CHRM3: variants seen among roughly 807,000 people sequenced by gnomAD.
The protein encoded by CHRM3 is cholinergic receptor muscarinic 3.
CHRM3 carries 11 observed loss-of-function variants against 41.8 expected under a neutral mutation model. That is an observed-to-expected ratio of 0.26 (90% CI 0.17 to 0.44). CHRM3 has a LOEUF of 0.44. Ranked by LOEUF, CHRM3 falls within the 20% of genes least tolerant of loss-of-function variation. CHRM3 has a pLI of 1.00. For missense variants in CHRM3, 571 were observed against 745.4 expected (o/e 0.77, Z 2.72); for synonymous variants, 297 against 301.4 (o/e 0.99, Z 0.15).
chr1:239,494,200 A>G (rs763780865), intron 2 of CHRM3, among the ~76,000 whole-genome samples: 1 of 152,112 alleles, frequency 6.6e-6, no homozygotes, highest in Non-Finnish European at 1.5e-5. Flanking sequence ...GGTTGTTGCT[A>G]TGGTATTTGT....
intron 1 of CHRM3, among the ~76,000 whole-genome samples, chr1:239,433,374 C>A (rs59092744): frequency 0.054 from 8,247 of 152,216 alleles, 689 homozygotes; most frequent in African/African-American, 0.18. Flanking sequence ...AGCCATGCCA[C>A]GACTGTCTCC....
intron 3 of CHRM3, among the ~76,000 whole-genome samples, chr1:239,571,994 A>G (rs1186628658): frequency 2.6e-5 from 4 of 152,140 alleles, no homozygotes; most frequent in Non-Finnish European, 5.9e-5. Flanking sequence ...TAAAACTACC[A>G]TATGCCAGAC....
chr1:239,387,836 G>C lies in CHRM3; in HGVS notation c.-521+609G>C, dbSNP rs1297617057. Among the ~76,000 whole-genome samples, 1 of 152,200 alleles carries C rather than the reference G, an allele frequency of 6.6e-6. No individual in the cohort carries two copies. The highest frequency in any genetic ancestry group is 1.5e-5 in the Non-Finnish European group (1 of 68,036). On this transcript the variant is annotated intron_variant, in intron 1 of 6. Transcript: ENST00000676153. This position sits in a 1 kb window ranked among gnomAD's most constrained non-coding sequence, Gnocchi z 5.1. ...AGTAACACTTGGGCGAAGGTACCTA[G>C]CCTAGTGCGCATCTTTACTGACCCG...
At position 239,909,087 on chromosome 1, in the gene CHRM3, C is replaced by T. The variant is rs759076174; in HGVS notation, c.1636C>T (p.Leu546=). 2.0e-5 allele frequency: 32 copies of T among 1,614,058 alleles called. No homozygotes were observed. The highest frequency in any genetic ancestry group is 2.7e-5 in the Non-Finnish European group (32 of 1,180,050). Reference sequence around the variant, plus strand: ...CACCGTGAACCCCGTGTGCTATGCTCTGTGCAACAAAACATTCAGAACCAC... The same window carrying T: ...CACCGTGAACCCCGTGTGCTATGCTTTGTGCAACAAAACATTCAGAACCAC... ...NSTVNPVCYA[L]CNKTFRTTFK... Residue 546 remains leucine (L), a synonymous_variant, in exon 7 of 7, where the codon CTG becomes TTG. Coordinates refer to ENST00000676153, the MANE Select transcript of CHRM3 (RefSeq NM_001375978.1).
chr1:239,570,120 G>A (rs1449622162), intron 3 of CHRM3, among the ~76,000 whole-genome samples: 2 of 152,120 alleles, frequency 1.3e-5, no homozygotes, highest in African/African-American at 2.4e-5. Context: ...TGTATGTCGA[G>A]GGAGGGTCCT....
At position 239,859,711 on chromosome 1, in the gene CHRM3, C is replaced by T. The variant is rs533534936; in HGVS notation, c.-20+32333C>T. 4.6e-5 allele frequency among the ~76,000 whole-genome samples: 7 copies of T among 150,966 alleles called. No homozygotes were observed. The South Asian group carries it at 1.3e-3, about 27-fold the overall frequency. ...GATTACAGGCGTGAGCCACCACTCC[C>T]AGCCATACTGTTTTTTAAATAAAGA... On this transcript the variant is annotated intron_variant, in intron 6 of 6. Coordinates refer to ENST00000676153, the MANE Select transcript of CHRM3 (RefSeq NM_001375978.1).
chr1:239,450,054 C>T (rs1664451071), intron 1 of CHRM3, among the ~76,000 whole-genome samples: 1 of 152,162 alleles, frequency 6.6e-6, no homozygotes, highest in African/African-American at 2.4e-5. Context: ...GTCAAGAACA[C>T]GTTTTGCACG....
chr1:239,532,071 A>G (rs1279521176), intron 2 of CHRM3, among the ~76,000 whole-genome samples: 118 of 108,530 alleles, frequency 1.1e-3, no homozygotes, highest in Non-Finnish European at 1.7e-3. Context: ...GGAGTGCAGT[A>G]GCGCGATCTC....
intron 1 of CHRM3, among the ~76,000 whole-genome samples, chr1:239,441,952 A>G (rs1663755860): frequency 6.6e-6 from 1 of 152,188 alleles, no homozygotes; most frequent in African/African-American, 2.4e-5. Flanking sequence ...AATTCCAAAT[A>G]CATGATTTAT....
At chr1:239,671,602 T>C (rs1032408816) in intron 4 of CHRM3, among the ~76,000 whole-genome samples, 1 of 152,078 alleles carries the variant, frequency 6.6e-6, no homozygotes, top group Non-Finnish European at 1.5e-5. Context: ...GATGCAGCTT[T>C]TCCTTCTCAC....
rs144212120 is a variant in CHRM3, at chr1:239,731,346, A to G, written c.-147+53058A>G. Among the ~76,000 whole-genome samples, 347 of 152,084 alleles carry G rather than the reference A, an allele frequency of 2.3e-3. 2 individuals are homozygous for G. The highest frequency in any genetic ancestry group is 8.1e-3 in the African/African-American group (337 of 41,548). On this transcript the variant is annotated intron_variant, in intron 5 of 6. Transcript: ENST00000676153. The stretch of plus-strand genomic sequence containing the variant: ...AGGAGAACATAGCCGGCCTGAGGAT[A>G]TCTACATCAAAGAGATGAATAGAGG...
chr1:239,436,332 T>A (rs1239541197), intron 1 of CHRM3, among the ~76,000 whole-genome samples: 1 of 152,090 alleles, frequency 6.6e-6, no homozygotes, highest in Non-Finnish European at 1.5e-5. Context: ...GGCCCTGGGA[T>A]CCCGTTGGTC....
At chr1:239,410,905 A>C in intron 1 of CHRM3, among the ~76,000 whole-genome samples, 1 of 152,024 alleles carries the variant, frequency 6.6e-6, no homozygotes, top group East Asian at 1.9e-4. Context: ...CCAGCTTCTC[A>C]CTGTTTTTTT....
intron 1 of CHRM3, among the ~76,000 whole-genome samples, chr1:239,398,074 A>G (rs1659648845): frequency 6.6e-6 from 1 of 152,098 alleles, no homozygotes; most frequent in Non-Finnish European, 1.5e-5. Context: ...TTTCCTGGGT[A>G]GAGGGAGGAC....
intron 6 of CHRM3, among the ~76,000 whole-genome samples, chr1:239,870,803 A>G (rs1372653357): frequency 6.6e-6 from 1 of 152,138 alleles, no homozygotes; most frequent in Non-Finnish European, 1.5e-5. Flanking sequence ...TGGTGTATTA[A>G]ATAGGTGAGT....
chr1:239,669,042 A>G (rs1025688478), intron 4 of CHRM3, among the ~76,000 whole-genome samples: 5 of 152,128 alleles, frequency 3.3e-5, no homozygotes, highest in East Asian at 1.9e-4. Context: ...CTGAGCTTCC[A>G]TCTCCCCGAA....
chr1:239,643,591 C>T (rs1671440986), intron 4 of CHRM3, among the ~76,000 whole-genome samples: 1 of 152,206 alleles, frequency 6.6e-6, no homozygotes, highest in Non-Finnish European at 1.5e-5. Context: ...GATATAATCT[C>T]CTGCTGTGCC....
At chr1:239,404,719 A>ATATATATAT (rs1660435350) in intron 1 of CHRM3, among the ~76,000 whole-genome samples, 1 of 97,340 alleles carries the variant, frequency 1.0e-5, no homozygotes, top group Non-Finnish European at 2.0e-5. Context: ...GCTATATCTA[A>ATATATATAT]ATATATATAT....
At chr1:239,494,277 T>C (rs1346491116) in intron 2 of CHRM3, among the ~76,000 whole-genome samples, 1 of 152,092 alleles carries the variant, frequency 6.6e-6, no homozygotes, top group Non-Finnish European at 1.5e-5. Context: ...GGGATGGCTT[T>C]CATTGCCGTC....
Sources: allele counts gnomAD v4.1 joint callset (sites outside exome capture counted in the v4.1 genomes callset), GRCh38; gene constraint gnomAD v4.1.1; non-coding constraint Gnocchi (gnomAD v3.1); transcripts MANE v1.5; gene names NCBI Gene and HGNC (gene_info 2026-07-23, HGNC 2026-07-21).